TIAM1: variants seen among roughly 807,000 people sequenced by gnomAD.
TIAM1 encodes rho guanine nucleotide exchange factor TIAM1.
Under a neutral mutation model 163.5 loss-of-function variants are expected in TIAM1, and 65 were observed. The ratio of observed to expected loss-of-function variants is 0.40; its 90% confidence interval spans 0.33 to 0.49. TIAM1 has a LOEUF of 0.49. Ranked by LOEUF, TIAM1 falls within the 20% of genes least tolerant of loss-of-function variation. The probability of loss-of-function intolerance (pLI) is 0.77; values close to 1 mark genes in which losing one functional copy is unlikely to be tolerated. For synonymous variants in TIAM1, 833 were observed against 810.1 expected (o/e 1.03, Z -0.48); for missense variants, 1,789 against 2,044.7 (o/e 0.87, Z 2.41).
chr21:31,158,485 T>C (rs1208306161), intron 16 of TIAM1, among the ~76,000 whole-genome samples: 3 of 152,182 alleles, frequency 2.0e-5, no homozygotes, highest in Non-Finnish European at 4.4e-5. Flanking sequence ...TGAGTCCAGA[T>C]GGATGTAATC....
chr21:31,360,536 G>A (rs1424163067), intron 2 of TIAM1, among the ~76,000 whole-genome samples: 1 of 151,944 alleles, frequency 6.6e-6, no homozygotes, highest in Non-Finnish European at 1.5e-5. Context: ...GCCAGTAACT[G>A]ATCATTCTGA....
chr21:31,233,837 A>T (rs1448847676), intron 6 of TIAM1, among the ~76,000 whole-genome samples: 1 of 152,224 alleles, frequency 6.6e-6, no homozygotes. Flanking sequence ...CCAGGAAGAC[A>T]GACACAAGGA....
chr21:31,196,142 G>A lies in TIAM1; in HGVS notation c.2494-837C>T, dbSNP rs369804762. On this transcript the variant is annotated intron_variant, in intron 12 of 27. Transcript: ENST00000541036. ...ACTTCTCAAGATAAGACATATATGT[G>A]GCCAATAAATATATGAAAAAATGTA... Among the ~76,000 whole-genome samples the A allele has an allele frequency of 1.1e-3, 168 of 152,032 alleles. 1 individual carries two copies. The highest frequency in any genetic ancestry group is 3.5e-3 in the African/African-American group (147 of 41,474).
At position 31,154,438 on chromosome 21, in the gene TIAM1, A is replaced by AAG; in HGVS notation, c.2992-13_2992-12insCT. 6.2e-7 allele frequency: 1 copy of AAG among 1,608,694 alleles called. No homozygotes were observed. The highest frequency in any genetic ancestry group is 8.5e-7 in the Non-Finnish European group (1 of 1,176,348). Reference sequence around the variant, plus strand: ...ACCTGTTCTGTACTCTTCGGAGCACAGGGGGGAAGGGAAGGCAGAGGTCAT... The same window carrying AAG: ...ACCTGTTCTGTACTCTTCGGAGCACAAGGGGGGGAAGGGAAGGCAGAGGTCAT... On this transcript the variant is annotated splice_polypyrimidine_tract_variant and intron_variant, in intron 16 of 27. Coordinates refer to ENST00000541036, the MANE Select transcript of TIAM1 (RefSeq NM_001353694.2).
chr21:31,242,292 G>T (rs189245330), intron 6 of TIAM1, among the ~76,000 whole-genome samples: 2 of 152,112 alleles, frequency 1.3e-5, no homozygotes, highest in African/African-American at 4.8e-5. Flanking sequence ...GGCTGAGGCA[G>T]GAAGATCACT....
intron 2 of TIAM1, among the ~76,000 whole-genome samples, chr21:31,431,272 T>C (rs2044018156): frequency 2.6e-5 from 4 of 152,170 alleles, no homozygotes; most frequent in Admixed American, 2.6e-4. Flanking sequence ...CAGTAGCTCT[T>C]ACCAGACTGT....
In TIAM1 at chr21:31,321,329, C is replaced by T. The variant is rs561459479; in HGVS notation, c.-189+17914G>A. On this transcript the variant is annotated intron_variant, in intron 2 of 27. Transcript: ENST00000541036. ...TTCTCAGAGTACGTTATTTCCCATG[C>T]TCTACTGTTTGTTTGTTTGTTTGTT... is the stretch of plus-strand genomic sequence containing the variant. 1.5e-4 allele frequency among the ~76,000 whole-genome samples: 19 copies of T among 122,966 alleles called. No homozygotes were observed. The South Asian group carries it at 2.7e-3, about 18-fold the overall frequency. 80.7% of individuals were successfully genotyped at this position (122,966 alleles called of 152,430 possible).
At chr21:31,486,807 T>C (rs1447839222) in intron 1 of TIAM1, among the ~76,000 whole-genome samples, 2 of 152,196 alleles carry the variant, frequency 1.3e-5, no homozygotes, top group African/African-American at 4.8e-5. Flanking sequence ...CAGCCTGAGA[T>C]GTAATGAGAG....
At chr21:31,474,510 T>C (rs2045865779) in intron 1 of TIAM1, among the ~76,000 whole-genome samples, 1 of 150,874 alleles carries the variant, frequency 6.6e-6, no homozygotes, top group Non-Finnish European at 1.5e-5. Context: ...CTTAGAAAAG[T>C]GGCAGACACA....
intron 1 of TIAM1, among the ~76,000 whole-genome samples, chr21:31,524,029 T>C (rs1229815039): frequency 2.2e-5 from 3 of 137,536 alleles, no homozygotes; most frequent in African/African-American, 5.3e-5. Flanking sequence ...AAAAAAAAAA[T>C]AGTGTACTCT....
At chr21:31,180,418 A>G (rs2146430831) in intron 15 of TIAM1, among the ~76,000 whole-genome samples, 1 of 152,318 alleles carries the variant, frequency 6.6e-6, no homozygotes, top group East Asian at 1.9e-4. Context: ...AAACAGCCAG[A>G]GACAAGGTGT....
At chr21:31,302,528 G>A (rs2074544942) in intron 2 of TIAM1, among the ~76,000 whole-genome samples, 1 of 152,156 alleles carries the variant, frequency 6.6e-6, no homozygotes, top group Non-Finnish European at 1.5e-5. Context: ...CTGTTGTGTT[G>A]TTTAAGTTCT....
chr21:31,548,636 C>T (rs533780406), intron 1 of TIAM1, among the ~76,000 whole-genome samples: 75 of 151,618 alleles, frequency 4.9e-4, no homozygotes, highest in African/African-American at 1.2e-3. Context: ...TACAGGCATG[C>T]ACCACCATGC....
intron 1 of TIAM1, among the ~76,000 whole-genome samples, chr21:31,472,264 C>T (rs112409647): frequency 6.6e-6 from 1 of 151,848 alleles, no homozygotes; most frequent in Non-Finnish European, 1.5e-5. Flanking sequence ...CAATGTCTCA[C>T]GCTTGTAATC....
At chr21:31,386,762 CAG>C (rs1425786951) in intron 2 of TIAM1, among the ~76,000 whole-genome samples, 2 of 152,148 alleles carry the variant, frequency 1.3e-5, no homozygotes, top group Admixed American at 6.5e-5. Flanking sequence ...AAGTAACAGC[CAG>C]AGAGAGGTGA....
chr21:31,512,244 A>C (rs1315857363), intron 1 of TIAM1, among the ~76,000 whole-genome samples: 1 of 151,942 alleles, frequency 6.6e-6, no homozygotes, highest in African/African-American at 2.4e-5. Flanking sequence ...CTACAGGCAC[A>C]TATCACCATG....
At chr21:31,450,974 A>G (rs777345554) in intron 2 of TIAM1, among the ~76,000 whole-genome samples, 4 of 152,100 alleles carry the variant, frequency 2.6e-5, no homozygotes, top group Admixed American at 6.5e-5. Context: ...GAGTCTATCA[A>G]AACAGTCCTT....
At chr21:31,133,370 T>C (rs974105561) in intron 23 of TIAM1, among the ~76,000 whole-genome samples, 1 of 152,194 alleles carries the variant, frequency 6.6e-6, no homozygotes, top group Admixed American at 6.5e-5. Context: ...ACAGCCCCTA[T>C]TGAGTTTGCT....
chr21:31,123,967 T>G (rs747577165), intron 27 of TIAM1: 1 of 152,194 alleles, frequency 6.6e-6, no homozygotes, highest in Admixed American at 6.5e-5. Context: ...CAAATTAACA[T>G]GGAGACTAAA....
Sources: gnomAD v4.1 joint callset for allele counts (sites outside exome capture counted in the v4.1 genomes callset) on GRCh38, gnomAD v4.1.1 for gene constraint, MANE v1.5 for transcripts, NCBI Gene and HGNC (gene_info 2026-07-23, HGNC 2026-07-21) for gene names.